CDKL3: variants seen among roughly 807,000 people sequenced by gnomAD.
The protein encoded by CDKL3 is cyclin dependent kinase like 3.
Under a neutral mutation model 69.3 loss-of-function variants are expected in CDKL3, and 65 were observed. That is an observed-to-expected ratio of 0.94 (90% CI 0.77 to 1.15). The LOEUF is 1.15. CDKL3 is among the 50% of genes most tolerant of loss of function. The pLI is 0.00. For synonymous variants in CDKL3, 202 were observed against 221.6 expected (o/e 0.91, Z 0.79); for missense variants, 652 against 689.2 (o/e 0.95, Z 0.61).
downstream of CDKL3, among the ~76,000 whole-genome samples, chr5:134,297,890 T>TG (rs1765446141): frequency 8.6e-5 from 9 of 105,196 alleles, no homozygotes; most frequent in South Asian, 2.5e-3. Flanking sequence ...CATGAATAGT[T>TG]TGTGTGTGTG....
At chr5:134,371,501 C>CGGT (rs1554113393), upstream of CDKL3, 345 of 1,427,698 alleles carry the variant, frequency 2.4e-4, 1 homozygote, top group Non-Finnish European at 2.8e-4. Context: ...GCGGCGGCGG[C>CGGT]GGCGATCCAC....
At chr5:134,313,090 T>C (rs889856230) in intron 6 of CDKL3, among the ~76,000 whole-genome samples, 3 of 152,242 alleles carry the variant, frequency 2.0e-5, no homozygotes, top group Admixed American at 1.3e-4. Context: ...AAAACATTAA[T>C]AGTTAACTTT....
chr5:134,333,319 C>A (rs1423994111), intron 4 of CDKL3, among the ~76,000 whole-genome samples: 2 of 152,188 alleles, frequency 1.3e-5, no homozygotes, highest in East Asian at 3.8e-4. Flanking sequence ...CTTTCTCTTG[C>A]CTGATTGCCC....
intron 4 of CDKL3, among the ~76,000 whole-genome samples, chr5:134,326,858 T>C (rs1329615024): frequency 5.2e-5 from 5 of 95,474 alleles, no homozygotes; most frequent in Admixed American, 1.1e-4. Flanking sequence ...TATATATATA[T>C]ATATATATAC....
rs1295618485 is a variant in CDKL3, at chr5:134,327,116, C to T, written c.540-5213G>A. On this transcript the variant is annotated intron_variant, in intron 4 of 12. Coordinates refer to ENST00000265334, the MANE Select transcript of CDKL3 (RefSeq NM_001113575.2). ...GAACTTCACCATTTCTCATTATTCT[C>T]CCAGCTGCCTGTTGCTGAGGCTAAG... Among the ~76,000 whole-genome samples the T allele has an allele frequency of 3.3e-5, 5 of 151,856 alleles. No individual in the cohort carries two copies. In the South Asian group the frequency reaches 1.0e-3, roughly 32 times the overall value.
At position 134,367,108 on chromosome 5, in the gene CDKL3, G is replaced by A. The variant is rs1284354904; in HGVS notation, c.-153C>T. 1 of 985,912 alleles carries A rather than the reference G, an allele frequency of 1.0e-6. No individual in the cohort carries two copies. Among genetic ancestry groups the A allele is most frequent in the Non-Finnish European group, 1.2e-6 (1 of 830,386 alleles). The allele number at this position is 985,912 out of a possible 1,614,324, so 61.1% of individuals were successfully genotyped here. A position where few individuals can be genotyped will look rare whatever the true frequency, so the allele number is the denominator to read the frequency against. On this transcript the variant is annotated 5_prime_UTR_variant, in exon 1 of 13. Transcript: ENST00000265334. ...CACCGAACACTGATACTACTTTGTT[G>A]CTCAGCCCCGCAAGGAACCGGCCAC...
At chr5:134,327,644 AAC>A (rs770670078) in intron 4 of CDKL3, among the ~76,000 whole-genome samples, 75 of 113,190 alleles carry the variant, frequency 6.6e-4, no homozygotes, top group African/African-American at 9.0e-4. Flanking sequence ...ACCAGGGAAT[AAC>A]ACAGTTAGGA....
At chr5:134,347,929 G>A (rs999369679) in intron 4 of CDKL3, among the ~76,000 whole-genome samples, 2 of 152,074 alleles carry the variant, frequency 1.3e-5, no homozygotes, top group South Asian at 2.1e-4. Context: ...TGATAAATAT[G>A]TTCTAAAATT....
intron 3 of CDKL3, among the ~76,000 whole-genome samples, chr5:134,358,316 T>C (rs1194129016): frequency 6.6e-6 from 1 of 152,150 alleles, no homozygotes; most frequent in African/African-American, 2.4e-5. Flanking sequence ...TGAATGCATT[T>C]TCTCCTCTAC....
intron 12 of CDKL3, 46 bp downstream of exon 12, chr5:134,302,544 C>T (rs760742718): frequency 2.4e-5 from 23 of 975,638 alleles, no homozygotes; most frequent in African/African-American, 8.0e-5. Context: ...GAGTCAAGTC[C>T]TCTAAACAAC....
intron 5 of CDKL3, among the ~76,000 whole-genome samples, chr5:134,320,384 G>A (rs1772394205): frequency 6.6e-6 from 1 of 152,058 alleles, no homozygotes; most frequent in Non-Finnish European, 1.5e-5. Context: ...GGGAGGCCGA[G>A]TCGGGCAACA....
intron 4 of CDKL3, among the ~76,000 whole-genome samples, chr5:134,348,832 T>C (rs1325073491): frequency 6.6e-6 from 1 of 152,212 alleles, no homozygotes; most frequent in Non-Finnish European, 1.5e-5. Flanking sequence ...AGATATTTAT[T>C]GAGCATATAT....
intron 4 of CDKL3, among the ~76,000 whole-genome samples, chr5:134,347,524 T>C (rs1752207735): frequency 6.6e-6 from 1 of 150,896 alleles, no homozygotes; most frequent in Admixed American, 6.6e-5. Flanking sequence ...GATGAATGGG[T>C]AAATAAAAAG....
intron 4 of CDKL3, among the ~76,000 whole-genome samples, chr5:134,336,959 T>C (rs1477356703): frequency 6.6e-6 from 1 of 152,228 alleles, no homozygotes; most frequent in Non-Finnish European, 1.5e-5. Flanking sequence ...GAGGCAGTAG[T>C]CCTTGCTGAG....
chr5:134,329,442 ATTAATTTAAT>A (rs887165886), intron 4 of CDKL3, among the ~76,000 whole-genome samples: 12 of 151,814 alleles, frequency 7.9e-5, no homozygotes, highest in African/African-American at 2.9e-4. Flanking sequence ...TCTTCTGTTA[ATTAATTTAAT>A]TTAATTTAAT....
rs1293490596 is a variant in CDKL3 at position 134,321,864 on chromosome 5, C to A, written c.579G>T (p.Glu193Asp). The A allele has an allele frequency of 6.2e-7, 1 of 1,612,492 alleles. No individual in the cohort carries two copies. The highest frequency in any genetic ancestry group is 8.5e-7 in the Non-Finnish European group (1 of 1,178,900). ...DIWALGCMIIEMATGNPYLPS... is the reference protein window; with the variant it reads ...DIWALGCMIIDMATGNPYLPS... The stretch of plus-strand genomic sequence containing the variant: ...GAAGATAGGGATTTCCAGTGGCCAT[C>A]TCAATGATCATACAGCCCAAAGCCC... The change falls in exon 5 of 13, where the codon GAG (glutamate) becomes GAT (aspartate). Residue 193 changes from glutamate (E) to aspartate (D), a missense_variant. By Grantham distance (45) the Glu-to-Asp change is conservative (BLOSUM62 2). Coordinates refer to ENST00000265334, the MANE Select transcript of CDKL3 (RefSeq NM_001113575.2).
chr5:134,346,720 T>G (rs983460432), intron 4 of CDKL3, among the ~76,000 whole-genome samples: 1 of 152,180 alleles, frequency 6.6e-6, no homozygotes, highest in African/African-American at 2.4e-5. Context: ...GGTCTTGAAC[T>G]GCTGACCTCA....
downstream of CDKL3, among the ~76,000 whole-genome samples, chr5:134,284,335 G>A (rs1381141745): frequency 6.6e-6 from 1 of 152,192 alleles, no homozygotes; most frequent in East Asian, 1.9e-4. Flanking sequence ...AAACCAGCAA[G>A]CTTTTATTAG....
chr5:134,311,306 C>T (rs1328495965), intron 7 of CDKL3, among the ~76,000 whole-genome samples: 1 of 152,174 alleles, frequency 6.6e-6, no homozygotes, highest in African/African-American at 2.4e-5. Flanking sequence ...GAGTTTGAGA[C>T]CAGCCTGGCC....
Sources: allele counts gnomAD v4.1 joint callset (sites outside exome capture counted in the v4.1 genomes callset), GRCh38; gene constraint gnomAD v4.1.1; transcripts MANE v1.5; gene names NCBI Gene and HGNC (gene_info 2026-07-23, HGNC 2026-07-21).